Variants in STRN3 observed in about 807,000 individuals in gnomAD.
STRN3 encodes striatin-3.
A neutral mutation model predicts 95.6 loss-of-function variants in STRN3; 29 were observed. The observed-to-expected ratio is 0.30, with a 90% CI of 0.23 to 0.41. The LOEUF (loss-of-function observed/expected upper bound fraction) is 0.41. STRN3 is among the 10% of genes least tolerant of loss of function. The pLI, the probability that STRN3 is intolerant of heterozygous loss-of-function variation, is 1.00. For synonymous variants in STRN3, 331 were observed against 357.6 expected, an observed-to-expected ratio of 0.93 and a Z score of 0.84; for missense variants, 890 against 972.1, an observed-to-expected ratio of 0.92 and a Z score of 1.12.
chr14:30,981,608 C>CACA, intron 1 of STRN3, among the ~76,000 whole-genome samples: 1 of 79,490 alleles, frequency 1.3e-5, no homozygotes, highest in South Asian at 3.1e-4. Flanking sequence ...ACACACACAC[C>CACA]CCATAATTCA....
chr14:31,023,202 T>C (rs1883585223), intron 1 of STRN3, among the ~76,000 whole-genome samples: 1 of 152,176 alleles, frequency 6.6e-6, no homozygotes, highest in African/African-American at 2.4e-5. Context: ...CCTCTGGAGA[T>C]CTGGATTGAT....
intron 1 of STRN3, among the ~76,000 whole-genome samples, chr14:31,019,027 A>T (rs1883377923): frequency 1.3e-5 from 2 of 152,210 alleles, no homozygotes; most frequent in African/African-American, 2.4e-5. Flanking sequence ...AGGCTGAGGC[A>T]TGCCAGGCAT....
intron 8 of STRN3, among the ~76,000 whole-genome samples, chr14:30,922,378 TAC>T (rs1169182351): frequency 6.6e-6 from 1 of 152,096 alleles, no homozygotes; most frequent in Non-Finnish European, 1.5e-5. Flanking sequence ...TCTTAACAAA[TAC>T]AAAGTCCTAT....
At chr14:31,023,168 C>T (rs115794675) in intron 1 of STRN3, among the ~76,000 whole-genome samples, 159 of 152,236 alleles carry the variant, frequency 1.0e-3, no homozygotes, top group African/African-American at 3.7e-3. Context: ...TTGTAGAACT[C>T]TAAAAAATAT....
At chr14:30,982,098 C>CAAAAAAAAAAA (rs11451891) in intron 1 of STRN3, among the ~76,000 whole-genome samples, 1 of 75,532 alleles carries the variant, frequency 1.3e-5, no homozygotes, top group Non-Finnish European at 2.3e-5. Flanking sequence ...CTCTGTCTCA[C>CAAAAAAAAAAA]AAAAAAAAAA....
chr14:30,903,095 A>AT (rs1381310310), intron 15 of STRN3, among the ~76,000 whole-genome samples: 2 of 149,226 alleles, frequency 1.3e-5, no homozygotes, highest in Non-Finnish European at 3.0e-5. Flanking sequence ...TAAAGATGAG[A>AT]TTTTTTTCTT....
chr14:31,003,405 T>A (rs576492646), intron 1 of STRN3, among the ~76,000 whole-genome samples: 5 of 150,664 alleles, frequency 3.3e-5, no homozygotes, highest in African/African-American at 1.2e-4. Context: ...TGGTTTGGAG[T>A]CTGTCCCCTC....
chr14:30,956,809 T>A (rs999516301), intron 1 of STRN3, among the ~76,000 whole-genome samples: 2 of 151,798 alleles, frequency 1.3e-5, no homozygotes, highest in Non-Finnish European at 2.9e-5. Context: ...CGTCAGAAAA[T>A]GACATATTAT....
chr14:30,922,869 T>A (rs1254196970), intron 8 of STRN3, among the ~76,000 whole-genome samples: 1 of 137,064 alleles, frequency 7.3e-6, no homozygotes, highest in Admixed American at 7.5e-5. Flanking sequence ...GATTAGAGTA[T>A]CAATCTGATA....
At chr14:30,926,620 TTCTTA>T (rs1897036305) in intron 8 of STRN3, among the ~76,000 whole-genome samples, 1 of 151,942 alleles carries the variant, frequency 6.6e-6, no homozygotes, top group African/African-American at 2.4e-5. Context: ...CTTATATTAC[TTCTTA>T]TAAGTACTTC....
At chr14:30,931,819 A>C (rs1210425708) in intron 7 of STRN3, 1 of 152,264 alleles carries the variant, frequency 6.6e-6, no homozygotes, top group Non-Finnish European at 1.5e-5. Flanking sequence ...GTGGTTTCAT[A>C]AGATAAAAAA....
intron 13 of STRN3, among the ~76,000 whole-genome samples, chr14:30,908,201 GA>G (rs374407778): frequency 6.6e-6 from 1 of 151,656 alleles, no homozygotes; most frequent in Non-Finnish European, 1.5e-5. Context: ...TTACCATAGT[GA>G]AAAAAAACTT....
At chr14:30,907,432 A>C (rs368604956) in intron 13 of STRN3, among the ~76,000 whole-genome samples, 6 of 152,164 alleles carry the variant, frequency 3.9e-5, no homozygotes, top group Admixed American at 1.3e-4. Flanking sequence ...GGGTACTTTC[A>C]TCACTCATTA....
At chr14:30,974,880 T>C (rs4981812) in intron 1 of STRN3, among the ~76,000 whole-genome samples, 61,261 of 150,954 alleles carry the variant, frequency 0.41, 12,955 homozygotes, top group Non-Finnish European at 0.47. Flanking sequence ...GCACATGCTG[T>C]TGGAAAAAAT....
intron 1 of STRN3, chr14:31,018,436 C>A: frequency 2.5e-6 from 1 of 398,812 alleles, no homozygotes; most frequent in South Asian, 1.9e-5. Flanking sequence ...CTTTCTCGAC[C>A]CTTGTTCCTA....
intron 8 of STRN3, among the ~76,000 whole-genome samples, chr14:30,926,390 T>C (rs1399016745): frequency 1.3e-5 from 2 of 152,006 alleles, no homozygotes; most frequent in African/African-American, 2.4e-5. Context: ...ATTACAACAA[T>C]AATATTCTAG....
chr14:31,003,238 G>C (rs1222480433), intron 1 of STRN3, among the ~76,000 whole-genome samples: 1 of 148,194 alleles, frequency 6.7e-6, no homozygotes, highest in Non-Finnish European at 1.5e-5. Context: ...CTCCAGCCTG[G>C]TGACACAGCA....
chr14:30,944,541 GTATA>G (rs1225771022), intron 5 of STRN3, among the ~76,000 whole-genome samples: 3 of 124,046 alleles, frequency 2.4e-5, no homozygotes, highest in Non-Finnish European at 1.6e-5. Flanking sequence ...ATATATACAT[GTATA>G]TATACACGTA....
rs767415071 is a variant in STRN3 at position 30,950,847 on chromosome 14, ATAAG to A, written c.542+12_542+15del. On this transcript the variant is annotated intron_variant, in intron 4 of 17. Coordinates refer to ENST00000357479, the MANE Select transcript of STRN3 (RefSeq NM_001083893.2). ...CCTAGATCCTTAAAGAAGGTTGAAA[ATAAG>A]TAATTACTCACTGTCTTAAAAGCTG... 1 of 1,610,762 alleles carries A rather than the reference ATAAG, an allele frequency of 6.2e-7. No homozygotes were observed. Among genetic ancestry groups the A allele is most frequent in the South Asian group, 1.1e-5 (1 of 90,714 alleles).
Sources: allele counts gnomAD v4.1 joint callset (sites outside exome capture counted in the v4.1 genomes callset), GRCh38; gene constraint gnomAD v4.1.1; transcripts MANE v1.5; gene names NCBI Gene and HGNC (gene_info 2026-07-23, HGNC 2026-07-21).